Variants in LOC128092252 observed in about 807,000 individuals in gnomAD.
chr15:50,653,126 A>C, the LOC128092252 span, among the ~76,000 whole-genome samples: 2 of 152,140 alleles, frequency 1.3e-5, no homozygotes, highest in Admixed American at 6.6e-5. Flanking sequence ...TCTGGGCCAC[A>C]GAGTGAGACC....
the LOC128092252 span, among the ~76,000 whole-genome samples, chr15:50,685,486 GAAAA>G: frequency 6.6e-6 from 1 of 152,116 alleles, no homozygotes; most frequent in African/African-American, 2.4e-5. Context: ...GAATAAGGTG[GAAAA>G]TAGTGAAAGA....
At chr15:50,669,794 G>A in the LOC128092252 span, among the ~76,000 whole-genome samples, 1 of 151,920 alleles carries the variant, frequency 6.6e-6, no homozygotes, top group South Asian at 2.1e-4. Flanking sequence ...AAAAAAAAAA[G>A]GGATGGCTAA....
the LOC128092252 span, among the ~76,000 whole-genome samples, chr15:50,667,690 G>T: frequency 1.3e-5 from 2 of 152,274 alleles, no homozygotes; most frequent in South Asian, 4.1e-4. Flanking sequence ...CTGGGCAACA[G>T]AAGGAGACTC....
chr15:50,657,237 T>G, the LOC128092252 span, among the ~76,000 whole-genome samples: 2 of 152,086 alleles, frequency 1.3e-5, no homozygotes, highest in African/African-American at 2.4e-5. Flanking sequence ...GGCAGGAGAA[T>G]TGCTTGAACC....
At chr15:50,662,948 G>A in the LOC128092252 span, 5 of 1,580,930 alleles carry the variant, frequency 3.2e-6, no homozygotes, top group East Asian at 8.9e-5. Flanking sequence ...GACCCCAGAA[G>A]TAACAAAGGT....
chr15:50,665,204 G>C, the LOC128092252 span, among the ~76,000 whole-genome samples: 11 of 151,970 alleles, frequency 7.2e-5, no homozygotes, highest in Non-Finnish European at 1.5e-4. Context: ...TTCGAGACCA[G>C]CCTAACCAAC....
At chr15:50,680,494 G>A in the LOC128092252 span, among the ~76,000 whole-genome samples, 6 of 151,822 alleles carry the variant, frequency 4.0e-5, no homozygotes, top group African/African-American at 9.7e-5. Flanking sequence ...GCTTGAACCC[G>A]GGAGGCGGAG....
chr15:50,650,905 T>C, the LOC128092252 span, among the ~76,000 whole-genome samples: 1 of 152,274 alleles, frequency 6.6e-6, no homozygotes, highest in Non-Finnish European at 1.5e-5. Context: ...TTCCCAGACA[T>C]TGGCCGGGCG....
the LOC128092252 span, among the ~76,000 whole-genome samples, chr15:50,662,138 A>G: frequency 1.3e-5 from 2 of 152,114 alleles, no homozygotes; most frequent in African/African-American, 4.8e-5. Context: ...GTGGATCACA[A>G]GGTCAGGAGA....
chr15:50,660,355 A>G, the LOC128092252 span, among the ~76,000 whole-genome samples: 1 of 152,164 alleles, frequency 6.6e-6, no homozygotes, highest in African/African-American at 2.4e-5. Context: ...ATATACTATT[A>G]TAATTACTGT....
At chr15:50,650,593 G>T in the LOC128092252 span, among the ~76,000 whole-genome samples, 1 of 152,062 alleles carries the variant, frequency 6.6e-6, no homozygotes, top group Non-Finnish European at 1.5e-5. Flanking sequence ...TTCTCAGGAG[G>T]CTGAGGCAGG....
At chr15:50,658,368 T>A in the LOC128092252 span, among the ~76,000 whole-genome samples, 24 of 150,860 alleles carry the variant, frequency 1.6e-4, no homozygotes, top group Non-Finnish European at 3.0e-5. Flanking sequence ...AGTCCAGGAG[T>A]TTAAGATCAG....
chr15:50,656,754 T>C, the LOC128092252 span, among the ~76,000 whole-genome samples: 9 of 152,156 alleles, frequency 5.9e-5, no homozygotes, highest in African/African-American at 2.2e-4. Context: ...CTTCTCTTCT[T>C]CCTCTTATAC....
chr15:50,661,134 G>A, the LOC128092252 span, among the ~76,000 whole-genome samples: 4 of 151,980 alleles, frequency 2.6e-5, no homozygotes, highest in South Asian at 4.2e-4. Flanking sequence ...CCACTACCAC[G>A]TCTGGCTAAT....
At chr15:50,682,469 T>G in the LOC128092252 span, among the ~76,000 whole-genome samples, 1 of 149,434 alleles carries the variant, frequency 6.7e-6, no homozygotes, top group African/African-American at 2.5e-5. Flanking sequence ...TCCCAGCTAC[T>G]AGAGGCTGAG....
At chr15:50,662,877 T>C in the LOC128092252 span, 1 of 896,948 alleles carries the variant, frequency 1.1e-6, no homozygotes, top group Non-Finnish European at 1.8e-6. Context: ...AAATAATTTA[T>C]TTAGTGGTTT....
the LOC128092252 span, among the ~76,000 whole-genome samples, chr15:50,666,590 C>T: frequency 1.3e-5 from 2 of 151,566 alleles, no homozygotes; most frequent in African/African-American, 4.9e-5. Flanking sequence ...GATCACCTGA[C>T]GTTGGGAGTT....
the LOC128092252 span, among the ~76,000 whole-genome samples, chr15:50,682,282 A>C: frequency 1.3e-5 from 2 of 151,990 alleles, no homozygotes; most frequent in African/African-American, 4.8e-5. Context: ...AAATTCCTTT[A>C]ACAGGGTTCT....
the LOC128092252 span, among the ~76,000 whole-genome samples, chr15:50,659,951 C>T: frequency 1.3e-5 from 2 of 152,174 alleles, no homozygotes; most frequent in Non-Finnish European, 2.9e-5. Flanking sequence ...AGGCGTGAGC[C>T]ACCACACCCG....
Sources: gnomAD v4.1 joint callset for allele counts (sites outside exome capture counted in the v4.1 genomes callset) on GRCh38, gnomAD v4.1.1 for gene constraint, MANE v1.5 for transcripts.